The following SHH variants were observed in gnomAD, a reference collection of about 807,000 sequenced individuals.
The protein encoded by SHH is sonic hedgehog signaling molecule.
In SHH, 3 loss-of-function variants were observed where a neutral mutation model predicts 16.6. The ratio of observed to expected loss-of-function variants is 0.18; its 90% CI spans 0.08 to 0.47. The LOEUF is 0.47. Among genes scored for constraint, SHH ranks in the 20% least tolerant of loss-of-function variants. The pLI is 0.98. For synonymous variants in SHH, 351 were observed against 316.2 expected, an observed-to-expected ratio of 1.11 and a Z score of -1.17; for missense variants, 499 against 665.0, an observed-to-expected ratio of 0.75 and a Z score of 2.75.
At chr7:155,811,511 A>G (rs572010711) in intron 1 of SHH, among the ~76,000 whole-genome samples, 32 of 152,324 alleles carry the variant, frequency 2.1e-4, no homozygotes, top group African/African-American at 7.0e-4. Context: ...GGTCTCCCCA[A>G]GTTACAAGCC....
At position 155,809,614 on chromosome 7, in the gene SHH, C is replaced by T. The variant is rs2117147192; in HGVS notation, c.300+2209G>A. On this transcript the variant is annotated intron_variant, in intron 1 of 2. Transcript: ENST00000297261. The surrounding 1 kb of genome is among the most constrained non-coding windows in gnomAD (Gnocchi z 6.1). ...TCTGCCTGATAATCCCGGCCTGGCT[C>T]TCCTCACCCAACCCCCACTTGGGCC... is the stretch of plus-strand genomic sequence containing the variant. 6.6e-6 allele frequency among the ~76,000 whole-genome samples: 1 copy of T among 152,312 alleles called. No individual in the cohort carries two copies. Among genetic ancestry groups the T allele is most frequent in the Non-Finnish European group, 1.5e-5 (1 of 68,018 alleles).
intron 1 of SHH, among the ~76,000 whole-genome samples, chr7:155,811,310 G>T (rs567312447): frequency 6.6e-6 from 1 of 152,204 alleles, no homozygotes; most frequent in African/African-American, 2.4e-5. Context: ...GGTGCAGGGT[G>T]GGGGTAGTGG....
At chr7:155,810,543 T>C (rs1803500559) in intron 1 of SHH, among the ~76,000 whole-genome samples, 1 of 152,210 alleles carries the variant, frequency 6.6e-6, no homozygotes, top group Non-Finnish European at 1.5e-5. Context: ...ACACTCGCGG[T>C]CCAGATTTAA....
At chr7:155,806,723 C>A in intron 1 of SHH, 166 bp from the exon 2 acceptor site, 1 of 841,434 alleles carries the variant, frequency 1.2e-6, no homozygotes, top group Non-Finnish European at 2.0e-6. Flanking sequence ...AAGAGCCGGG[C>A]CCTGGGCTGG....
intron 1 of SHH, 122 bp from the exon 2 acceptor site, chr7:155,806,679 G>GGGAGAC (rs1803372249): frequency 1.6e-6 from 2 of 1,247,482 alleles, no homozygotes; most frequent in African/African-American, 3.0e-5. Context: ...CGGAGAGGTG[G>GGGAGAC]GGAGACGGGG....
chr7:155,803,142 C>A lies in SHH; in HGVS notation c.1147G>T (p.Ala383Ser). 1 of 1,417,092 alleles carries A rather than the reference C, an allele frequency of 7.1e-7. No individual in the cohort carries two copies. The highest frequency in any genetic ancestry group is 9.2e-7 in the Non-Finnish European group (1 of 1,081,774). The allele number at this position is 1,417,092 out of a possible 1,614,324, so 87.8% of individuals were successfully genotyped here. A position where few individuals can be genotyped will look rare whatever the true frequency, so the allele number is the denominator to read the frequency against. ...GCCAGTGCAGCCAGGAGCGCGTGCG[C>A]CAGGCGGAAGGGCGCGAAGGCCCGG... ...AHRAFAPFRL[A>S]HALLAALAPA... is the part of the protein sequence containing the mutation. Residue 383 changes from alanine (A) to serine (S), a missense_variant, in exon 3 of 3, where the codon GCG becomes TCG. By Grantham distance (99) the Ala-to-Ser change is moderately conservative. Coordinates refer to ENST00000297261, the MANE Select transcript of SHH (RefSeq NM_000193.4).
intron 1 of SHH, among the ~76,000 whole-genome samples, chr7:155,810,504 G>T (rs913040157): frequency 2.6e-5 from 4 of 152,216 alleles, no homozygotes; most frequent in Non-Finnish European, 4.4e-5. Context: ...TGTGGATCGC[G>T]CTGCTGTCTG....
chr7:155,803,834 G>C (rs1803272446), intron 2 of SHH, 108 bp from the exon 3 acceptor site: 1 of 993,522 alleles, frequency 1.0e-6, no homozygotes, highest in South Asian at 1.5e-5. Context: ...TCCTAGGCCA[G>C]GGGTGCGCAA....
rs1229649312 is a variant in SHH at position 155,803,428 on chromosome 7, C to T, written c.861G>A (p.Ala287=). ...HNDSATGEPE[A]SSGSGPPSGG... The stretch of plus-strand genomic sequence containing the variant: ...CGGAAGGCGGCCCCGAGCCCGAGGA[C>T]GCCTCGGGCTCCCCGGTGGCCGAGT... Residue 287 remains alanine (A), a synonymous_variant, in exon 3 of 3, where the codon GCG becomes GCA. Coordinates refer to ENST00000297261, the MANE Select transcript of SHH (RefSeq NM_000193.4). 3.3e-6 allele frequency: 5 copies of T among 1,532,762 alleles called. No homozygotes were observed. Among genetic ancestry groups the T allele is most frequent in the Middle Eastern group, 2.0e-4 (1 of 4,894 alleles). The allele number at this position is 1,532,762 out of a possible 1,614,324, so 94.9% of individuals were successfully genotyped here.
At chr7:155,806,203 A>G in intron 2 of SHH, 93 bp downstream of exon 2, 2 of 1,523,492 alleles carry the variant, frequency 1.3e-6, no homozygotes, top group Non-Finnish European at 1.8e-6. Flanking sequence ...CCTGGCCCTC[A>G]GCCTCCCCCC....
chr7:155,806,933 C>T, intron 1 of SHH: 1 of 318,022 alleles, frequency 3.1e-6, no homozygotes, highest in Non-Finnish European at 6.1e-6. Flanking sequence ...GGGATACCCG[C>T]CCCGCCCCCA....
rs1803199789 is a variant in SHH at position 155,802,162 on chromosome 7, A to C, written c.*738T>G. The C allele has an allele frequency of 6.6e-6, 1 of 151,972 alleles. No individual in the cohort carries two copies. 9.4% of individuals were successfully genotyped at this position (151,972 alleles called of 1,614,324 possible). ...GTGTGTGTAACAGTCTTGGCTTCCAAGAATGTGGCAAAATGGTGAATACAA... is the reference window on the plus strand; with the variant it reads ...GTGTGTGTAACAGTCTTGGCTTCCACGAATGTGGCAAAATGGTGAATACAA... On this transcript the variant is annotated 3_prime_UTR_variant, in exon 3 of 3. Transcript: ENST00000297261.
Position 155,812,338 on chromosome 7 carries a change from A to G in SHH, c.-216T>C. 1 of 604,024 alleles carries G rather than the reference A, an allele frequency of 1.7e-6. No individual in the cohort carries two copies. The highest frequency in any genetic ancestry group is 1.9e-5 in the South Asian group (1 of 52,642). The allele number at this position is 604,024 out of a possible 1,614,324, so 37.4% of individuals were successfully genotyped here. A position where few individuals can be genotyped will look rare whatever the true frequency, so the allele number is the denominator to read the frequency against. On this transcript the variant is annotated 5_prime_UTR_variant, in exon 1 of 3. Coordinates refer to ENST00000297261, the MANE Select transcript of SHH (RefSeq NM_000193.4). ...GGGGACTCTCCACCGCTCCCCACCC[A>G]GACAGGGGCTGGAATGGCAGGCTGC...
At position 155,809,387 on chromosome 7, in the gene SHH, C is replaced by T. The variant is rs1224536995; in HGVS notation, c.300+2436G>A. On this transcript the variant is annotated intron_variant, in intron 1 of 2. Transcript: ENST00000297261. The surrounding 1 kb of genome is among the most constrained non-coding windows in gnomAD (Gnocchi z 6.1). ...AGGGCGGCCGAGCAGGCTCCCCAAA[C>T]CTCCCGCCGGCCTGGGGCTCCCCTG... 6.6e-6 allele frequency among the ~76,000 whole-genome samples: 1 copy of T among 152,096 alleles called. No individual in the cohort carries two copies. The highest frequency in any genetic ancestry group is 1.5e-5 in the Non-Finnish European group (1 of 68,012).
rs575289621 is a variant in SHH, at chr7:155,809,540, A to G, written c.300+2283T>C. 4.1e-4 allele frequency among the ~76,000 whole-genome samples: 62 copies of G among 151,870 alleles called. No individual in the cohort carries two copies. The highest frequency in any genetic ancestry group is 7.7e-4 in the Non-Finnish European group (52 of 67,884). On this transcript the variant is annotated intron_variant, in intron 1 of 2. Coordinates refer to ENST00000297261, the MANE Select transcript of SHH (RefSeq NM_000193.4). This position sits in a 1 kb window ranked among gnomAD's most constrained non-coding sequence, Gnocchi z 6.1. ...GGGAGGGATCAACCGGGGATACCTCACAGACTGCCAGCCCCTACCCCCCTC... is the reference window on the plus strand; with the variant it reads ...GGGAGGGATCAACCGGGGATACCTCGCAGACTGCCAGCCCCTACCCCCCTC...
chr7:155,806,198 C>A lies in SHH; in HGVS notation c.562+98G>T, dbSNP rs1170855812. ...CATCGCCCAGCGACCCTGCTCCTGG[C>A]CCTCAGCCTCCCCCCAGGTTTCTTT... On this transcript the variant is annotated intron_variant, in intron 2 of 2. Transcript: ENST00000297261. 3.4e-6 allele frequency: 5 copies of A among 1,479,646 alleles called. No individual in the cohort carries two copies. The East Asian group carries it at 1.1e-4, about 33-fold the overall frequency. 91.7% of individuals were successfully genotyped at this position (1,479,646 alleles called of 1,614,324 possible).
In SHH at chr7:155,812,102, A is replaced by C. The variant is rs1584806154; in HGVS notation, c.21T>G (p.Cys7Trp). The C allele has an allele frequency of 6.2e-7, 1 of 1,614,152 alleles. No homozygotes were observed. The highest frequency in any genetic ancestry group is 1.1e-5 in the South Asian group (1 of 91,086). The change falls in exon 1 of 3, where the codon TGT becomes TGG. Residue 7 changes from cysteine (C) to tryptophan (W), a missense_variant. Cys to Trp is a radical substitution (Grantham distance 215, BLOSUM62 -2). This residue lies in a region of SHH where 75 missense variants were observed against 115.0 expected (regional missense o/e 0.65). Coordinates refer to ENST00000297261, the MANE Select transcript of SHH (RefSeq NM_000193.4). ...GCGAGGAGACGAGGACTAGCAGCAG[A>C]CATCTCGCCAGCAGCAGCATCTCGC... is the stretch of plus-strand genomic sequence containing the variant. MLLLAR[C>W]LLLVLVSSLL...
At position 155,812,130 on chromosome 7, in the gene SHH, A is replaced by G; in HGVS notation, c.-8T>C. ...TCTCGCCAGCAGCAGCATCTCGCCC[A>G]TGGAACTGATGACTTCCGAGCTGTC... On this transcript the variant is annotated 5_prime_UTR_variant, in exon 1 of 3. The change abolishes an upstream ATG in the 5' untranslated region. Coordinates refer to ENST00000297261, the MANE Select transcript of SHH (RefSeq NM_000193.4). 6.2e-7 allele frequency: 1 copy of G among 1,613,930 alleles called. No individual in the cohort carries two copies. Among genetic ancestry groups the G allele is most frequent in the Non-Finnish European group, 8.5e-7 (1 of 1,179,924 alleles).
In SHH at chr7:155,800,979, G is replaced by C. The variant is rs899639188; in HGVS notation, c.*1921C>G. On this transcript the variant is annotated 3_prime_UTR_variant, in exon 3 of 3. Coordinates refer to ENST00000297261, the MANE Select transcript of SHH (RefSeq NM_000193.4). Reference sequence around the variant, plus strand: ...AAGGCCCAGCCTGCTCAGACGATTCGGCCCAAAGCACAAAGCATGGCAGAC... The same window carrying C: ...AAGGCCCAGCCTGCTCAGACGATTCCGCCCAAAGCACAAAGCATGGCAGAC... 1.5e-5 allele frequency: 3 copies of C among 199,222 alleles called. No homozygotes were observed. Among genetic ancestry groups the C allele is most frequent in the Non-Finnish European group, 3.2e-5 (3 of 95,230 alleles). 12.3% of individuals were successfully genotyped at this position (199,222 alleles called of 1,614,324 possible).
Sources: gnomAD v4.1 joint callset for allele counts (sites outside exome capture counted in the v4.1 genomes callset) on GRCh38, gnomAD v4.1.1 for gene constraint, gnomAD v4.1.1 regional missense constraint, Gnocchi (gnomAD v3.1) non-coding constraint, MANE v1.5 for transcripts, NCBI Gene and HGNC (gene_info 2026-07-23, HGNC 2026-07-21) for gene names.